ATAD1: variants seen among roughly 807,000 people sequenced by gnomAD.
ATAD1 encodes outer mitochondrial transmembrane helix translocase.
A neutral mutation model predicts 42.7 loss-of-function variants in ATAD1; 18 were observed. The ratio of observed to expected loss-of-function variants is 0.42; its 90% CI spans 0.29 to 0.63. The LOEUF (loss-of-function observed/expected upper bound fraction) is 0.63, where lower values mean the gene tolerates loss of function less well. Ranked by LOEUF, ATAD1 falls within the 20% of genes least tolerant of loss-of-function variation. The pLI, the probability that ATAD1 is intolerant of heterozygous loss-of-function variation, is 0.19. For missense variants in ATAD1, 294 were observed against 440.4 expected, an observed-to-expected ratio of 0.67 and a Z score of 2.98; for synonymous variants, 132 against 143.1, an observed-to-expected ratio of 0.92 and a Z score of 0.55.
At chr10:87,759,874 C>A in intron 8 of ATAD1, 1 of 369,852 alleles carries the variant, frequency 2.7e-6, no homozygotes, top group Non-Finnish European at 5.5e-6. Context: ...TGGCACATAG[C>A]AAGCACTCTA....
intron 5 of ATAD1, among the ~76,000 whole-genome samples, chr10:87,779,353 G>T (rs2131855890): frequency 1.3e-5 from 2 of 152,158 alleles, no homozygotes; most frequent in Admixed American, 1.3e-4. Flanking sequence ...TTCGTGCTAT[G>T]TGAAAGATAC....
At chr10:87,824,431 T>A (rs1857689099) in intron 1 of ATAD1, among the ~76,000 whole-genome samples, 1 of 152,200 alleles carries the variant, frequency 6.6e-6, no homozygotes, top group South Asian at 2.1e-4. Context: ...GTATACTGAC[T>A]CTGTTAATTT....
At chr10:87,831,063 T>A (rs2132109529) in intron 1 of ATAD1, among the ~76,000 whole-genome samples, 1 of 152,268 alleles carries the variant, frequency 6.6e-6, no homozygotes, top group South Asian at 2.1e-4. Flanking sequence ...TTCGGGTGAT[T>A]TATTTAACCT....
At chr10:87,773,788 A>T (rs907763055) in intron 6 of ATAD1, among the ~76,000 whole-genome samples, 2 of 152,130 alleles carry the variant, frequency 1.3e-5, no homozygotes, top group African/African-American at 4.8e-5. Context: ...AAATAGTTGA[A>T]CACTATGCTC....
At chr10:87,764,257 C>T (rs969125439) in intron 8 of ATAD1, among the ~76,000 whole-genome samples, 4 of 151,920 alleles carry the variant, frequency 2.6e-5, no homozygotes, top group Non-Finnish European at 4.4e-5. Flanking sequence ...CTCAGTACTT[C>T]GAGAGCAGCC....
chr10:87,781,881 G>A (rs1855578842), intron 5 of ATAD1, among the ~76,000 whole-genome samples: 1 of 152,002 alleles, frequency 6.6e-6, no homozygotes. Flanking sequence ...TTGGACTCAA[G>A]GAAACCTCCT....
intron 5 of ATAD1, among the ~76,000 whole-genome samples, chr10:87,781,871 T>C (rs7090088): frequency 0.33 from 50,779 of 151,768 alleles, 8,985 homozygotes; most frequent in African/African-American, 0.42. Context: ...TCTCAAATTA[T>C]TGGACTCAAG....
intron 2 of ATAD1, among the ~76,000 whole-genome samples, chr10:87,811,257 C>T (rs767512053): frequency 1.3e-5 from 2 of 151,994 alleles, no homozygotes; most frequent in South Asian, 2.1e-4. Flanking sequence ...CACTTGAACC[C>T]GGAAGAAGCA....
At chr10:87,817,967 C>T in intron 1 of ATAD1, 200 bp downstream of exon 1, 2 of 985,550 alleles carry the variant, frequency 2.0e-6, no homozygotes, top group Non-Finnish European at 2.4e-6. Flanking sequence ...GACGCCAAGG[C>T]GAGGCCCGGG....
At chr10:87,760,494 T>C (rs1158011974) in intron 8 of ATAD1, among the ~76,000 whole-genome samples, 2 of 152,212 alleles carry the variant, frequency 1.3e-5, no homozygotes, top group Non-Finnish European at 2.9e-5. Context: ...GGTGAGTCAA[T>C]TAAACCTCTT....
intron 1 of ATAD1, chr10:87,817,784 G>A: frequency 3.0e-6 from 3 of 985,450 alleles, no homozygotes; most frequent in Non-Finnish European, 3.6e-6. Context: ...GCGCCTGTGC[G>A]ACAATCAGAC....
At chr10:87,782,507 AGAGAT>A (rs1564753841) in intron 5 of ATAD1, among the ~76,000 whole-genome samples, 1 of 152,236 alleles carries the variant, frequency 6.6e-6, no homozygotes. Context: ...ATAACATGTA[AGAGAT>A]GAGATATTAT....
intron 7 of ATAD1, 101 bp downstream of exon 7, chr10:87,770,851 G>C: frequency 2.1e-6 from 2 of 943,568 alleles, no homozygotes; most frequent in Non-Finnish European, 3.2e-6. Flanking sequence ...CCTGTCATAA[G>C]CACCCCTATA....
rs1854077032 is a variant in ATAD1, at chr10:87,753,005, G to A, written c.*1682C>T. 1 of 152,076 alleles carries A rather than the reference G, an allele frequency of 6.6e-6. No homozygotes were observed. The highest frequency in any genetic ancestry group is 1.5e-5 in the Non-Finnish European group (1 of 67,986). 9.4% of individuals were successfully genotyped at this position (152,076 alleles called of 1,614,324 possible). ...ATACTAGGATATGTGCTATAGAAGT[G>A]TGAAAACTCCATAGCAAGATAAAGT... On this transcript the variant is annotated 3_prime_UTR_variant, in exon 10 of 10. Transcript: ENST00000680024.
At chr10:87,786,508 T>C (rs1855840058) in intron 4 of ATAD1, among the ~76,000 whole-genome samples, 1 of 152,206 alleles carries the variant, frequency 6.6e-6, no homozygotes, top group African/African-American at 2.4e-5. Flanking sequence ...GTTATGAGTG[T>C]CTGGAGTGCC....
intron 5 of ATAD1, among the ~76,000 whole-genome samples, chr10:87,781,347 G>A (rs1431159041): frequency 6.6e-6 from 1 of 151,948 alleles, no homozygotes; most frequent in East Asian, 1.9e-4. Context: ...GAACCAAACA[G>A]AACTTCTAAA....
chr10:87,826,952 C>T (rs1903862), intron 1 of ATAD1, among the ~76,000 whole-genome samples: 56,861 of 152,044 alleles, frequency 0.37, 11,206 homozygotes, highest in Non-Finnish European at 0.44. Context: ...TAGTGTTACC[C>T]CATTTCCTCC....
At chr10:87,790,197 T>A in intron 4 of ATAD1, 113 bp downstream of exon 4, 4 of 1,249,468 alleles carry the variant, frequency 3.2e-6, no homozygotes, top group Non-Finnish European at 4.4e-6. Flanking sequence ...TTCACATAGA[T>A]CTCAGCATCC....
intron 8 of ATAD1, among the ~76,000 whole-genome samples, chr10:87,766,604 G>A (rs1419092024): frequency 6.6e-6 from 1 of 152,150 alleles, no homozygotes; most frequent in South Asian, 2.1e-4. Context: ...CCAACATGGT[G>A]AAACCATGGT....
Sources: allele counts gnomAD v4.1 joint callset (sites outside exome capture counted in the v4.1 genomes callset), GRCh38; gene constraint gnomAD v4.1.1; transcripts MANE v1.5; gene names NCBI Gene and HGNC (gene_info 2026-07-23, HGNC 2026-07-21).